COL18A1: variants seen among roughly 807,000 people sequenced by gnomAD.
COL18A1 encodes the protein collagen type XVIII alpha 1 chain.
Under a neutral mutation model 168.0 loss-of-function variants are expected in COL18A1, and 133 were observed. The observed-to-expected ratio is 0.79, with a 90% CI of 0.69 to 0.91. COL18A1 has a LOEUF of 0.91. COL18A1 is among the 40% of genes least tolerant of loss of function. COL18A1 has a pLI of 0.00. For synonymous variants in COL18A1, 949 were observed against 809.0 expected (o/e 1.17, Z -2.94); for missense variants, 2,126 against 1,925.4 (o/e 1.10, Z -1.95).
At chr21:45,430,136 C>T (rs2033915940) in intron 2 of COL18A1, among the ~76,000 whole-genome samples, 1 of 147,732 alleles carries the variant, frequency 6.8e-6, no homozygotes, top group African/African-American at 2.6e-5. Flanking sequence ...TCCCTAGCGC[C>T]CTCTCGCCCT....
Position 45,405,419 on chromosome 21 carries a change from G to C in COL18A1, c.52G>C (p.Val18Leu), listed in dbSNP as rs1248894051. ...PWPRRRRLLD[V>L]LAPLVLLLGV... ...GCCGCGGCGGCGGCGCCTCCTGGAC[G>C]TGCTCGCGCCCCTGGTCCTGCTGCT... is the stretch of plus-strand genomic sequence containing the variant. Residue 18 changes from valine to leucine, a missense_variant, in exon 2 of 42, where the codon GTG (valine) becomes CTG (leucine). By Grantham distance (32) the Val-to-Leu change is conservative. Transcript: ENST00000651438. The C allele has an allele frequency of 1.5e-6, 2 of 1,359,966 alleles. No individual in the cohort carries two copies. Among genetic ancestry groups the C allele is most frequent in the Non-Finnish European group, 1.9e-6 (2 of 1,048,760 alleles). 84.2% of individuals were successfully genotyped at this position (1,359,966 alleles called of 1,614,324 possible).
chr21:45,500,145 G>A (rs1002640598), intron 32 of COL18A1, among the ~76,000 whole-genome samples: 3 of 94,128 alleles, frequency 3.2e-5, no homozygotes, highest in Non-Finnish European at 4.5e-5. Flanking sequence ...GGAGTGTGGA[G>A]TGTGTGCATG....
intron 2 of COL18A1, among the ~76,000 whole-genome samples, chr21:45,453,408 C>T (rs757128736): frequency 2.6e-5 from 4 of 152,076 alleles, no homozygotes; most frequent in Non-Finnish European, 4.4e-5. Context: ...TGTGGGTGTT[C>T]GTGTGTGAGC....
chr21:45,510,986 CCCACACACACAA>C lies in COL18A1; in HGVS notation c.3694-123_3694-112del, dbSNP rs2037556301. On this transcript the variant is annotated intron_variant, in intron 40 of 41. Coordinates refer to ENST00000651438, the MANE Select transcript of COL18A1 (RefSeq NM_001379500.1). The stretch of plus-strand genomic sequence containing the variant: ...ATACACCCCCAAACACCCCCCACAC[CCCACACACACAA>C]CACACCCCCCCCCCACACATCCACA... 5 of 36,074 alleles carry C rather than the reference CCCACACACACAA, an allele frequency of 1.4e-4. 1 individual carries two copies. Among genetic ancestry groups the C allele is most frequent in the African/African-American group, 3.3e-4 (1 of 3,036 alleles). 2.2% of individuals were successfully genotyped at this position (36,074 alleles called of 1,614,324 possible).
chr21:45,423,163 G>A lies in COL18A1; in HGVS notation c.106+17690G>A, dbSNP rs2033679493. 6.6e-6 allele frequency among the ~76,000 whole-genome samples: 1 copy of A among 152,084 alleles called. No homozygotes were observed. The highest frequency in any genetic ancestry group is 2.1e-4 in the South Asian group (1 of 4,822). On this transcript the variant is annotated intron_variant, in intron 2 of 41. Transcript: ENST00000651438. The surrounding 1 kb of genome is among the most constrained non-coding windows in gnomAD (Gnocchi z 4.0). ...TTGACCACTTCTCCTTCTCCATAGG[G>A]CAAATCAAGCTTGGAAATGGTGTCC...
chr21:45,484,170 G>A lies in COL18A1; in HGVS notation c.1701+1349G>A, dbSNP rs1305742784. The stretch of plus-strand genomic sequence containing the variant: ...ACACACCTCTCCAGCATATGTACAC[G>A]CGCACACACCTCTCCAGCATATGTG... On this transcript the variant is annotated intron_variant, in intron 15 of 41. Coordinates refer to ENST00000651438, the MANE Select transcript of COL18A1 (RefSeq NM_001379500.1). 1.3e-3 allele frequency among the ~76,000 whole-genome samples: 133 copies of A among 103,972 alleles called. 6 individuals carry two copies. The highest frequency in any genetic ancestry group is 2.1e-3 in the South Asian group (6 of 2,874). 68.2% of individuals were successfully genotyped at this position (103,972 alleles called of 152,430 possible).
At position 45,487,490 on chromosome 21, in the gene COL18A1, G is replaced by C; in HGVS notation, c.1877G>C (p.Arg626Pro). 1.2e-6 allele frequency: 2 copies of C among 1,613,098 alleles called. No homozygotes were observed. Among genetic ancestry groups the C allele is most frequent in the Non-Finnish European group, 1.7e-6 (2 of 1,180,006 alleles). The change falls in exon 17 of 42, where the codon CGA (arginine) becomes CCA (proline). Residue 626 changes from arginine to proline, a missense_variant. Arg to Pro is a moderately radical substitution (Grantham distance 103). Coordinates refer to ENST00000651438, the MANE Select transcript of COL18A1 (RefSeq NM_001379500.1). ...GGGGGGCCCTTCTGGTCAACAGCCC[G>C]AAGCGCTGATGGGCCACAGGTAGTG... is the stretch of plus-strand genomic sequence containing the variant. Reference protein sequence around the residue: ...GSGGPFWSTARSADGPQGPPG... With the variant: ...GSGGPFWSTAPSADGPQGPPG...
At chr21:45,428,898 CTTTT>C (rs2033879188) in intron 2 of COL18A1, among the ~76,000 whole-genome samples, 4 of 146,594 alleles carry the variant, frequency 2.7e-5, no homozygotes, top group Admixed American at 2.0e-4. Flanking sequence ...TGCTTTCTTT[CTTTT>C]CTTTTTTTTT....
chr21:45,411,205 C>T (rs2033278689), intron 2 of COL18A1, among the ~76,000 whole-genome samples: 1 of 152,150 alleles, frequency 6.6e-6, no homozygotes, highest in South Asian at 2.1e-4. Context: ...AGGGGCAGGA[C>T]ATCGTCTGCA....
intron 24 of COL18A1, 31 bp downstream of exon 24, chr21:45,492,744 G>GCCCACCACTGCCCT (rs1555870081): frequency 2.6e-5 from 40 of 1,551,272 alleles, no homozygotes; most frequent in African/African-American, 4.1e-5. Context: ...GCTGCATGCT[G>GCCCACCACTGCCCT]CCCGGCTGGG....
chr21:45,478,397 T>A, intron 9 of COL18A1, 44 bp downstream of exon 9: 1 of 1,614,058 alleles, frequency 6.2e-7, no homozygotes, highest in African/African-American at 1.3e-5. Context: ...TCTGTGATGT[T>A]TGCTTAGACC....
chr21:45,411,145 G>A (rs1304416837), intron 2 of COL18A1, among the ~76,000 whole-genome samples: 1 of 152,194 alleles, frequency 6.6e-6, no homozygotes, highest in Non-Finnish European at 1.5e-5. Flanking sequence ...GAACTCCGTG[G>A]GCCTGTGGCG....
chr21:45,434,977 C>T (rs1042626748), intron 2 of COL18A1, among the ~76,000 whole-genome samples: 8 of 152,032 alleles, frequency 5.3e-5, no homozygotes, highest in African/African-American at 7.2e-5. Flanking sequence ...GAGGGGAAGC[C>T]GGGGGCTGGT....
intron 2 of COL18A1, chr21:45,455,585 G>T (rs2034770915): frequency 6.2e-7 from 1 of 1,613,932 alleles, no homozygotes; most frequent in Non-Finnish European, 8.5e-7. Context: ...CTGCTGCCTG[G>T]CGGCTGCCCG....
chr21:45,414,766 G>T (rs1023964568), intron 2 of COL18A1, among the ~76,000 whole-genome samples: 1 of 152,204 alleles, frequency 6.6e-6, no homozygotes, highest in East Asian at 1.9e-4. Flanking sequence ...TTCCACTTCC[G>T]ATCACACGCA....
chr21:45,489,034 G>A (rs184660222), intron 18 of COL18A1, among the ~76,000 whole-genome samples: 10 of 152,330 alleles, frequency 6.6e-5, no homozygotes, highest in African/African-American at 1.2e-4. Context: ...CCTCTGCTGC[G>A]TGCGGGGCCA....
chr21:45,455,770 T>A lies in COL18A1; in HGVS notation c.107-12472T>A, dbSNP rs563619668. ...AGCCAGCGACAGCCCCTGGCAGCCC[T>A]GAGCCACCCTCAGAGCTGCTGGAAG... On this transcript the variant is annotated intron_variant, in intron 2 of 41. Transcript: ENST00000651438. 4 of 1,613,718 alleles carry A rather than the reference T, an allele frequency of 2.5e-6. No homozygotes were observed. Among genetic ancestry groups the A allele is most frequent in the Admixed American group, 3.3e-5 (2 of 60,024 alleles).
At chr21:45,436,980 T>C (rs1253783676) in intron 2 of COL18A1, among the ~76,000 whole-genome samples, 1 of 152,028 alleles carries the variant, frequency 6.6e-6, no homozygotes, top group African/African-American at 2.4e-5. Context: ...TGGCAGGAGC[T>C]GTGGCTGGGG....
intron 2 of COL18A1, 140 bp downstream of exon 2, chr21:45,405,613 CGCCGGA>C: frequency 4.9e-6 from 2 of 408,584 alleles, no homozygotes; most frequent in South Asian, 2.4e-4. Flanking sequence ...GCGCAGGAGG[CGCCGGA>C]GCCGGACGGA....
Sources: allele counts gnomAD v4.1 joint callset (sites outside exome capture counted in the v4.1 genomes callset), GRCh38; gene constraint gnomAD v4.1.1; non-coding constraint Gnocchi (gnomAD v3.1); transcripts MANE v1.5; gene names NCBI Gene and HGNC (gene_info 2026-07-23, HGNC 2026-07-21).